Variants in TNFRSF1B observed in about 807,000 individuals in gnomAD.
TNFRSF1B encodes the protein TNF receptor superfamily member 1B.
A neutral mutation model predicts 44.6 loss-of-function variants in TNFRSF1B; 19 were observed. The observed-to-expected ratio is 0.43, with a 90% CI of 0.30 to 0.62. The LOEUF (loss-of-function observed/expected upper bound fraction) is 0.62. Among genes scored for constraint, TNFRSF1B ranks in the 20% least tolerant of loss-of-function variants. TNFRSF1B has a pLI of 0.16. For synonymous variants in TNFRSF1B, 252 were observed against 261.1 expected, an observed-to-expected ratio of 0.97 and a Z score of 0.34; for missense variants, 541 against 619.9, an observed-to-expected ratio of 0.87 and a Z score of 1.35.
chr1:12,174,511 G>T (rs1638609528), intron 1 of TNFRSF1B, among the ~76,000 whole-genome samples: 1 of 152,210 alleles, frequency 6.6e-6, no homozygotes, highest in Non-Finnish European at 1.5e-5. Context: ...GCCTCCCAAA[G>T]TGCTGGAATT....
rs1052859584 is a variant in TNFRSF1B, at chr1:12,202,988, G to C, written c.1105+817G>C. Among the ~76,000 whole-genome samples, 12 of 152,344 alleles carry C rather than the reference G, an allele frequency of 7.9e-5. No individual in the cohort carries two copies. In the East Asian group the frequency reaches 1.2e-3, roughly 15 times the overall value. Reference sequence around the variant, plus strand: ...ACTGTGGGGATTGTGTCCCATTTATGCAGGCTGCATTGTGCCCTGGACCTG... The same window carrying C: ...ACTGTGGGGATTGTGTCCCATTTATCCAGGCTGCATTGTGCCCTGGACCTG... On this transcript the variant is annotated intron_variant, in intron 9 of 9. Coordinates refer to ENST00000376259, the MANE Select transcript of TNFRSF1B (RefSeq NM_001066.3).
At chr1:12,192,118 C>G (rs1026450185) in intron 4 of TNFRSF1B, among the ~76,000 whole-genome samples, 195 bp downstream of exon 4, 1 of 152,230 alleles carries the variant, frequency 6.6e-6, no homozygotes, top group African/African-American at 2.4e-5. Context: ...GATTAGGCAC[C>G]TCTTATGTAC....
At chr1:12,202,551 A>G (rs1246536224) in intron 9 of TNFRSF1B, among the ~76,000 whole-genome samples, 1 of 152,052 alleles carries the variant, frequency 6.6e-6, no homozygotes, top group Non-Finnish European at 1.5e-5. Context: ...CCTGTCTCCC[A>G]CGCCAGGCTG....
intron 7 of TNFRSF1B, among the ~76,000 whole-genome samples, chr1:12,194,356 C>G (rs146140724): frequency 6.6e-6 from 1 of 151,948 alleles, no homozygotes; most frequent in Non-Finnish European, 1.5e-5. Flanking sequence ...GGGAAGGACA[C>G]GCATCCTCAG....
intron 1 of TNFRSF1B, among the ~76,000 whole-genome samples, chr1:12,170,868 G>A (rs1354612748): frequency 6.6e-6 from 1 of 151,620 alleles, no homozygotes; most frequent in African/African-American, 2.4e-5. Context: ...TAGAGTCGGG[G>A]TTTCACCATA....
chr1:12,194,487 T>G, intron 7 of TNFRSF1B, 97 bp from the exon 8 acceptor site: 1 of 1,334,574 alleles, frequency 7.5e-7, no homozygotes, highest in Non-Finnish European at 1.1e-6. Flanking sequence ...GGGCTGGGCC[T>G]CTCTGCTGGT....
At chr1:12,194,505 G>A in intron 7 of TNFRSF1B, 79 bp from the exon 8 acceptor site, 1 of 1,568,936 alleles carries the variant, frequency 6.4e-7, no homozygotes, top group Non-Finnish European at 8.8e-7. Context: ...GGTTCTATGG[G>A]GCCCCATACT....
In TNFRSF1B at chr1:12,192,919, C is replaced by T. The variant is rs199873050; in HGVS notation, c.608C>T (p.Thr203Met). The change falls in exon 6 of 10, where the codon ACG (threonine) becomes ATG (methionine). Residue 203 changes from threonine to methionine, a missense_variant. Coordinates refer to ENST00000376259, the MANE Select transcript of TNFRSF1B (RefSeq NM_001066.3). Reference protein sequence around the residue: ...NASMDAVCTSTSPTRSMAPGA... With the variant: ...NASMDAVCTSMSPTRSMAPGA... ...AGCATGGATGCAGTCTGCACGTCCACGTCCCCCACCCGGAGTATGGCCCCA... is the reference window on the plus strand; with the variant it reads ...AGCATGGATGCAGTCTGCACGTCCATGTCCCCCACCCGGAGTATGGCCCCA... The T allele has an allele frequency of 6.5e-4, 1,045 of 1,614,182 alleles. 15 individuals are homozygous for T. The South Asian group carries it at 0.01, about 16-fold the overall frequency.
intron 1 of TNFRSF1B, among the ~76,000 whole-genome samples, chr1:12,183,679 TCTA>T (rs1557628759): frequency 7.5e-4 from 95 of 127,228 alleles, no homozygotes; most frequent in East Asian, 3.6e-3. Context: ...TATCTATCTA[TCTA>T]TCTATCTATC....
Position 12,178,532 on chromosome 1 carries a change from C to T in TNFRSF1B, c.79-10264C>T, listed in dbSNP as rs1415379953. On this transcript the variant is annotated intron_variant, in intron 1 of 9. Transcript: ENST00000376259. This position sits in a 1 kb window ranked among gnomAD's most constrained non-coding sequence, Gnocchi z 4.3. ...AAGGTTGCGGGGAGGCACGAGGGAA[C>T]CAATAATTAACCAAAACTGGTCGGG... Among the ~76,000 whole-genome samples the T allele has an allele frequency of 6.6e-6, 1 of 152,118 alleles. No individual in the cohort carries two copies.
rs1327233532 is a variant in TNFRSF1B at position 12,169,688 on chromosome 1, A to T, written c.78+2519A>T. ...TGCCAGCAGGGCTTTTGCCCCGTTTAAAAGTCTTATTTGCCAGCTGGTATG... is the reference window on the plus strand; with the variant it reads ...TGCCAGCAGGGCTTTTGCCCCGTTTTAAAGTCTTATTTGCCAGCTGGTATG... On this transcript the variant is annotated intron_variant, in intron 1 of 9. Coordinates refer to ENST00000376259, the MANE Select transcript of TNFRSF1B (RefSeq NM_001066.3). The surrounding 1 kb of genome is among the most constrained non-coding windows in gnomAD (Gnocchi z 4.5). Among the ~76,000 whole-genome samples the T allele has an allele frequency of 6.6e-6, 1 of 152,250 alleles. No homozygotes were observed. Among genetic ancestry groups the T allele is most frequent in the South Asian group, 2.1e-4 (1 of 4,836 alleles).
At chr1:12,204,771 A>G (rs1380527227) in intron 9 of TNFRSF1B, among the ~76,000 whole-genome samples, 3 of 151,300 alleles carry the variant, frequency 2.0e-5, no homozygotes, top group Non-Finnish European at 3.0e-5. Flanking sequence ...AATGTTGGTA[A>G]TCAATTCACT....
At chr1:12,198,445 C>T (rs1639316941) in intron 8 of TNFRSF1B, among the ~76,000 whole-genome samples, 1 of 152,198 alleles carries the variant, frequency 6.6e-6, no homozygotes, top group Non-Finnish European at 1.5e-5. Flanking sequence ...AGCGCACACA[C>T]TCACTACGTC....
In TNFRSF1B at chr1:12,192,485, A is replaced by G. The variant is rs1161130097; in HGVS notation, c.512A>G (p.Asn171Ser). 5 of 1,613,984 alleles carry G rather than the reference A, an allele frequency of 3.1e-6. No individual in the cohort carries two copies. The highest frequency in any genetic ancestry group is 4.2e-6 in the Non-Finnish European group (5 of 1,179,994). Residue 171 changes from asparagine (N) to serine (S), a missense_variant, in exon 5 of 10, where the codon AAC (asparagine) becomes AGC (serine). Physicochemically the swap from Asn to Ser is conservative, Grantham distance 46 (BLOSUM62 1). Coordinates refer to ENST00000376259, the MANE Select transcript of TNFRSF1B (RefSeq NM_001066.3). ...CKPCAPGTFS[N>S]TTSSTDICRP... ...CCCTGTGCCCCGGGGACGTTCTCCA[A>G]CACGACTTCATCCACGGATATTTGC... is the stretch of plus-strand genomic sequence containing the variant.
chr1:12,184,312 G>A (rs939861470), intron 1 of TNFRSF1B, among the ~76,000 whole-genome samples: 2 of 151,610 alleles, frequency 1.3e-5, no homozygotes, highest in African/African-American at 2.4e-5. Flanking sequence ...GGGGCTTTCT[G>A]TTCCTCATTG....
chr1:12,198,058 C>G (rs1390215990), intron 8 of TNFRSF1B, among the ~76,000 whole-genome samples: 1 of 147,260 alleles, frequency 6.8e-6, no homozygotes, highest in East Asian at 2.0e-4. Context: ...GGAGGTGGAG[C>G]TTGCAGTGTA....
chr1:12,196,520 C>T (rs1639268064), intron 8 of TNFRSF1B, among the ~76,000 whole-genome samples: 1 of 152,100 alleles, frequency 6.6e-6, no homozygotes, highest in African/African-American at 2.4e-5. Flanking sequence ...AACAGCTCAG[C>T]CCTGGGCAGC....
chr1:12,202,253 T>C, intron 9 of TNFRSF1B, 82 bp downstream of exon 9: 1 of 1,505,846 alleles, frequency 6.6e-7, no homozygotes, highest in East Asian at 2.5e-5. Flanking sequence ...CATCTCCTCC[T>C]GAGCCTCCCC....
intron 1 of TNFRSF1B, among the ~76,000 whole-genome samples, chr1:12,174,196 C>T (rs1015609727): frequency 3.4e-3 from 407 of 118,726 alleles, no homozygotes; most frequent in South Asian, 5.1e-3. Context: ...TTCTCCTTCT[C>T]CTTCTCCTTC....
Sources: gnomAD v4.1 joint callset for allele counts (sites outside exome capture counted in the v4.1 genomes callset) on GRCh38, gnomAD v4.1.1 for gene constraint, Gnocchi (gnomAD v3.1) non-coding constraint, MANE v1.5 for transcripts, NCBI Gene and HGNC (gene_info 2026-07-23, HGNC 2026-07-21) for gene names.